Variants in CCDC192 observed in about 807,000 individuals in gnomAD.
CCDC192 encodes the protein coiled-coil domain containing 192.
At chr5:127,861,662 A>AT (rs1011820793) in intron 5 of CCDC192, among the ~76,000 whole-genome samples, 11 of 151,814 alleles carry the variant, frequency 7.2e-5, no homozygotes, top group African/African-American at 1.7e-4. Flanking sequence ...TCAAAAAAAA[A>AT]TTTTTTTTTA....
intron 2 of CCDC192, among the ~76,000 whole-genome samples, chr5:127,708,417 G>C (rs1300789234): frequency 6.6e-6 from 1 of 152,180 alleles, no homozygotes; most frequent in Admixed American, 6.5e-5. Flanking sequence ...TTTTATGTAA[G>C]TTTGAGGATT....
At chr5:127,727,829 C>T (rs1288006071) in intron 2 of CCDC192, among the ~76,000 whole-genome samples, 1 of 152,004 alleles carries the variant, frequency 6.6e-6, no homozygotes, top group Non-Finnish European at 1.5e-5. Context: ...CCAGAATAAC[C>T]AGTTTAGAGA....
At chr5:127,904,495 C>CTTTT (rs11344791) in intron 6 of CCDC192, among the ~76,000 whole-genome samples, 15 of 115,854 alleles carry the variant, frequency 1.3e-4, no homozygotes, top group Non-Finnish European at 1.7e-4. Context: ...TTGGCAGAGA[C>CTTTT]TTTTTTTTTT....
intron 6 of CCDC192, among the ~76,000 whole-genome samples, chr5:127,897,061 C>CTG (rs1236892382): frequency 4.0e-5 from 6 of 148,150 alleles, no homozygotes; most frequent in Non-Finnish European, 7.5e-5. Context: ...GTCTCTCTCT[C>CTG]TTTTTTTTTT....
intron 5 of CCDC192, among the ~76,000 whole-genome samples, chr5:127,841,566 A>T (rs1750287745): frequency 6.6e-6 from 1 of 152,198 alleles, no homozygotes; most frequent in South Asian, 2.1e-4. Flanking sequence ...AAGAGGCTTC[A>T]TCTGTCTCCT....
chr5:127,823,637 A>G (rs963003113), intron 5 of CCDC192, among the ~76,000 whole-genome samples: 1 of 152,122 alleles, frequency 6.6e-6, no homozygotes, highest in Admixed American at 6.6e-5. Flanking sequence ...TATCTAAAAA[A>G]CCATTTAACA....
intron 6 of CCDC192, among the ~76,000 whole-genome samples, chr5:127,887,374 A>G (rs1165926630): frequency 6.6e-6 from 1 of 151,334 alleles, no homozygotes; most frequent in African/African-American, 2.4e-5. Flanking sequence ...AGGCAATAGG[A>G]TGGCAAAATT....
chr5:127,818,048 A>G (rs1261760346), intron 5 of CCDC192, among the ~76,000 whole-genome samples: 1 of 152,200 alleles, frequency 6.6e-6, no homozygotes, highest in Non-Finnish European at 1.5e-5. Context: ...AGTCTTCAGA[A>G]TAAAGTATAT....
At chr5:127,805,032 A>G (rs994806027) in intron 5 of CCDC192, among the ~76,000 whole-genome samples, 1 of 152,152 alleles carries the variant, frequency 6.6e-6, no homozygotes, top group African/African-American at 2.4e-5. Flanking sequence ...GTAGCACACA[A>G]CACATGTCTG....
At chr5:127,748,626 T>A (rs1415917992) in intron 2 of CCDC192, among the ~76,000 whole-genome samples, 2 of 145,406 alleles carry the variant, frequency 1.4e-5, no homozygotes, top group Non-Finnish European at 3.1e-5. Flanking sequence ...TTAAAGTAGT[T>A]TTTTCCAATT....
chr5:127,887,760 G>GT (rs2127152210), intron 6 of CCDC192, among the ~76,000 whole-genome samples: 1 of 150,020 alleles, frequency 6.7e-6, no homozygotes, highest in Admixed American at 6.6e-5. Flanking sequence ...CTGGAGTGCA[G>GT]TGGCACGATC....
intron 5 of CCDC192, among the ~76,000 whole-genome samples, chr5:127,855,877 A>G (rs1159973205): frequency 1.3e-5 from 2 of 152,174 alleles, no homozygotes; most frequent in African/African-American, 4.8e-5. Flanking sequence ...ATATCAAGTA[A>G]AGCATGCTGT....
intron 2 of CCDC192, chr5:127,739,760 AG>A (rs1753289906): frequency 6.5e-6 from 1 of 153,268 alleles, no homozygotes; most frequent in Non-Finnish European, 1.5e-5. Context: ...GCACTTCCCA[AG>A]TGAGGCAATG....
chr5:127,858,054 T>C (rs1477924624), intron 5 of CCDC192, among the ~76,000 whole-genome samples: 1 of 152,182 alleles, frequency 6.6e-6, no homozygotes, highest in African/African-American at 2.4e-5. Flanking sequence ...AGCAATAATA[T>C]CTATTTCACA....
At chr5:127,905,670 A>T (rs1473259152) in intron 6 of CCDC192, among the ~76,000 whole-genome samples, 2 of 152,232 alleles carry the variant, frequency 1.3e-5, no homozygotes, top group Non-Finnish European at 2.9e-5. Context: ...ATGAAAAGTA[A>T]ACTCACAGCC....
chr5:127,709,172 GGA>G (rs370094934), intron 2 of CCDC192, among the ~76,000 whole-genome samples: 173 of 112,188 alleles, frequency 1.5e-3, no homozygotes, highest in East Asian at 3.5e-3. Flanking sequence ...GGGGAGAGGG[GGA>G]GAGAGGGGGA....
chr5:127,897,978 C>G (rs1352741003), intron 6 of CCDC192, among the ~76,000 whole-genome samples: 3 of 152,154 alleles, frequency 2.0e-5, no homozygotes, highest in African/African-American at 7.2e-5. Flanking sequence ...TGTGAAAGTG[C>G]TCACTTTGGC....
intron 2 of CCDC192, among the ~76,000 whole-genome samples, chr5:127,724,214 A>G (rs560690281): frequency 1.3e-5 from 2 of 152,336 alleles, no homozygotes; most frequent in African/African-American, 4.8e-5. Flanking sequence ...TTATTACAAT[A>G]TAATATCCTT....
chr5:127,832,798 AC>A (rs965003074), intron 5 of CCDC192, among the ~76,000 whole-genome samples: 48 of 152,144 alleles, frequency 3.2e-4, no homozygotes, highest in African/African-American at 1.1e-3. Context: ...TAAAAACCAA[AC>A]AAAATAAAAA....
Sources: gnomAD v4.1 joint callset for allele counts (sites outside exome capture counted in the v4.1 genomes callset) on GRCh38, gnomAD v4.1.1 for gene constraint, MANE v1.5 for transcripts, NCBI Gene and HGNC (gene_info 2026-07-23, HGNC 2026-07-21) for gene names.